OVCH1: variants seen among roughly 807,000 people sequenced by gnomAD.
The protein encoded by OVCH1 is ovochymase 1.
In OVCH1, 139 loss-of-function variants were observed where a neutral mutation model predicts 138.4. That is an observed-to-expected ratio of 1.00 (90% CI 0.87 to 1.16). The LOEUF (loss-of-function observed/expected upper bound fraction) is 1.16, where lower values mean the gene tolerates loss of function less well. Among genes scored for constraint, OVCH1 ranks in the 50% most tolerant of loss-of-function variants. The pLI is 0.00. For missense variants in OVCH1, 1,367 were observed against 1,357.9 expected (o/e 1.01, Z -0.11); for synonymous variants, 453 against 467.8 (o/e 0.97, Z 0.41).
Position 29,497,612 on chromosome 12 carries a change from C to T in OVCH1, c.64+11G>A. ...CCTCCGCAGTCCTGGTGCCCAGGTC[C>T]CTAGGCTCACCTAGGCTTCTGGGGT... On this transcript the variant is annotated intron_variant, in intron 1 of 27. Transcript: ENST00000318184. 1 of 1,613,594 alleles carries T rather than the reference C, an allele frequency of 6.2e-7. No individual in the cohort carries two copies. Among genetic ancestry groups the T allele is most frequent in the Non-Finnish European group, 8.5e-7 (1 of 1,179,694 alleles).
In OVCH1 at chr12:29,476,041, T is replaced by G. The variant is rs187686832; in HGVS notation, c.1471+165A>C. Among the ~76,000 whole-genome samples, 97 of 152,346 alleles carry G rather than the reference T, an allele frequency of 6.4e-4. 3 individuals are homozygous for G. The highest frequency in any genetic ancestry group is 5.0e-3 in the Admixed American group (77 of 15,292). On this transcript the variant is annotated intron_variant, in intron 13 of 27. Coordinates refer to ENST00000318184, the Ensembl canonical transcript of OVCH1. ...TTAAAAACTTTACTGGCGAATTAGTTGCTGGCTCATAGGTTTTAAAGCTAA... is the reference window on the plus strand; with the variant it reads ...TTAAAAACTTTACTGGCGAATTAGTGGCTGGCTCATAGGTTTTAAAGCTAA...
At chr12:29,450,583 T>C (rs1273818273) in intron 22 of OVCH1, among the ~76,000 whole-genome samples, 1 of 152,206 alleles carries the variant, frequency 6.6e-6, no homozygotes, top group Non-Finnish European at 1.5e-5. Flanking sequence ...GTAAATTCGT[T>C]CAACCATTGT....
In OVCH1 at chr12:29,489,907, A is replaced by G. The variant is rs1025592810; in HGVS notation, c.551-136T>C. ...GTAATTGTTTTTAGGTGTGAATCAT[A>G]TTCACTTCTAAAAATCAGATATGTG... On this transcript the variant is annotated intron_variant, in intron 5 of 27. Transcript: ENST00000318184. 14 of 977,652 alleles carry G rather than the reference A, an allele frequency of 1.4e-5. No individual in the cohort carries two copies. The African/African-American group carries it at 2.4e-4, about 16-fold the overall frequency. 60.6% of individuals were successfully genotyped at this position (977,652 alleles called of 1,614,324 possible).
chr12:29,417,977 G>A (rs1941054905), intron 3 of OVCH1, among the ~76,000 whole-genome samples: 1 of 152,296 alleles, frequency 6.6e-6, no homozygotes, highest in South Asian at 2.1e-4. Context: ...GAAGCTACTG[G>A]CAGAGGAACA....
chr12:29,489,679 G>A (rs754006975), exon 6 of OVCH1: 2 of 1,610,020 alleles, frequency 1.2e-6, no homozygotes, highest in Non-Finnish European at 1.7e-6. Context: ...CTTCCCAGGG[G>A]AGGGAGGTTC....
downstream of OVCH1, among the ~76,000 whole-genome samples, chr12:29,424,918 G>T (rs529575213): frequency 7.2e-5 from 11 of 152,264 alleles, no homozygotes; most frequent in South Asian, 2.1e-3. Context: ...TAGACAGATG[G>T]TTTTTGAACA....
chr12:29,449,319 A>T (rs1035628063), intron 22 of OVCH1, among the ~76,000 whole-genome samples: 13 of 142,624 alleles, frequency 9.1e-5, no homozygotes, highest in South Asian at 4.4e-4. Context: ...ACACACACAC[A>T]CTCAACCTTA....
intron 26 of OVCH1, chr12:29,439,265 ATTG>A: frequency 7.5e-7 from 1 of 1,324,936 alleles, no homozygotes; most frequent in Non-Finnish European, 9.7e-7. Context: ...TCTCTTATTT[ATTG>A]TTCTTTTTGT....
intron 3 of OVCH1, among the ~76,000 whole-genome samples, chr12:29,416,954 A>G (rs1941037510): frequency 6.6e-6 from 1 of 152,230 alleles, no homozygotes; most frequent in African/African-American, 2.4e-5. Flanking sequence ...CATTCATACC[A>G]TGGAATGCTA....
At chr12:29,457,373 C>G (rs139827442) in intron 19 of OVCH1, among the ~76,000 whole-genome samples, 4 of 142,392 alleles carry the variant, frequency 2.8e-5, no homozygotes, top group East Asian at 4.2e-4. Context: ...AGTAAATATT[C>G]AGCAAACAAA....
intron 18 of OVCH1, among the ~76,000 whole-genome samples, chr12:29,463,206 T>G (rs552214835): frequency 3.3e-5 from 5 of 152,118 alleles, no homozygotes; most frequent in African/African-American, 4.8e-5. Flanking sequence ...CTGCATAAAA[T>G]CATGCCAACT....
chr12:29,437,633 T>A (rs1310830495), intron 26 of OVCH1, among the ~76,000 whole-genome samples: 1 of 151,658 alleles, frequency 6.6e-6, no homozygotes, highest in Non-Finnish European at 1.5e-5. Context: ...TTTCCATGAT[T>A]ACAGGAAAAC....
chr12:29,433,335 T>C (rs1007648721), intron 27 of OVCH1, among the ~76,000 whole-genome samples: 2 of 152,114 alleles, frequency 1.3e-5, no homozygotes, highest in African/African-American at 2.4e-5. Context: ...GATGGTTTTA[T>C]AAAAGGCAGT....
At chr12:29,421,096 T>C (rs1941097950) in intron 3 of OVCH1, among the ~76,000 whole-genome samples, 1 of 152,202 alleles carries the variant, frequency 6.6e-6, no homozygotes, top group African/African-American at 2.4e-5. Flanking sequence ...AGGGAGCCTC[T>C]ATAATAATGT....
chr12:29,476,091 A>C, intron 13 of OVCH1, 115 bp downstream of exon 13: 1 of 845,654 alleles, frequency 1.2e-6, no homozygotes, highest in East Asian at 2.4e-5. Context: ...CTGAGTTTCC[A>C]AAGCAAGAAA....
chr12:29,477,063 C>A, intron 12 of OVCH1, 39 bp downstream of exon 12: 1 of 1,529,798 alleles, frequency 6.5e-7, no homozygotes, highest in South Asian at 1.3e-5. Flanking sequence ...TAACGTAACT[C>A]TATTCTTTAT....
chr12:29,405,021 CAAAA>C, the OVCH1 span, among the ~76,000 whole-genome samples: 26 of 80,428 alleles, frequency 3.2e-4, no homozygotes, highest in African/African-American at 9.1e-4. Context: ...CACTCCACCT[CAAAA>C]AAAAAAAAAA....
downstream of OVCH1, chr12:29,427,433 A>G: frequency 8.3e-7 from 1 of 1,197,884 alleles, no homozygotes; most frequent in Non-Finnish European, 1.1e-6. Context: ...AGGTTAAGGA[A>G]GGCTATTTAG....
chr12:29,490,604 A>T (rs981650930), intron 5 of OVCH1, among the ~76,000 whole-genome samples: 1 of 152,198 alleles, frequency 6.6e-6, no homozygotes, highest in African/African-American at 2.4e-5. Flanking sequence ...GCAAATTTCA[A>T]GTATTCAATA....
Sources: gnomAD v4.1 joint callset for allele counts (sites outside exome capture counted in the v4.1 genomes callset) on GRCh38, gnomAD v4.1.1 for gene constraint, MANE v1.5 for transcripts, NCBI Gene and HGNC (gene_info 2026-07-23, HGNC 2026-07-21) for gene names.